Variants in THSD7B observed in about 807,000 individuals in gnomAD.
THSD7B encodes the protein thrombospondin type 1 domain containing 7B.
THSD7B carries 138 observed loss-of-function variants against 213.6 expected under a neutral mutation model. That is an observed-to-expected ratio of 0.65 (90% CI 0.56 to 0.74). The LOEUF (loss-of-function observed/expected upper bound fraction) is 0.74. Ranked by LOEUF, THSD7B falls within the 30% of genes least tolerant of loss-of-function variation. The probability of loss-of-function intolerance (pLI) is 0.00; values close to 1 mark genes in which losing one functional copy is unlikely to be tolerated. For missense variants in THSD7B, 1,931 were observed against 1,991.5 expected, an observed-to-expected ratio of 0.97 and a Z score of 0.58; for synonymous variants, 742 against 687.0, an observed-to-expected ratio of 1.08 and a Z score of -1.25.
At chr2:137,605,941 T>C (rs1020095212) in intron 17 of THSD7B, among the ~76,000 whole-genome samples, 5 of 152,002 alleles carry the variant, frequency 3.3e-5, no homozygotes, top group Admixed American at 6.6e-5. Context: ...GTGCTGGGAT[T>C]ACAGGCACGT....
At chr2:136,779,066 A>T (rs907643796) in intron 1 of THSD7B, among the ~76,000 whole-genome samples, 1 of 152,168 alleles carries the variant, frequency 6.6e-6, no homozygotes, top group Non-Finnish European at 1.5e-5. Flanking sequence ...TAAGTTTATA[A>T]TATATTACAG....
chr2:137,435,598 C>G (rs1404315844), intron 14 of THSD7B, among the ~76,000 whole-genome samples: 1 of 152,134 alleles, frequency 6.6e-6, no homozygotes, highest in Admixed American at 6.5e-5. Flanking sequence ...TTGTACACCT[C>G]AAGTTGAACT....
intron 21 of THSD7B, among the ~76,000 whole-genome samples, chr2:137,653,688 C>T (rs896429658): frequency 2.7e-5 from 4 of 150,698 alleles, no homozygotes; most frequent in Non-Finnish European, 5.9e-5. Flanking sequence ...CTTTTCTCTG[C>T]TTGATCCATT....
chr2:137,354,052 C>T (rs1256471940), intron 12 of THSD7B, among the ~76,000 whole-genome samples: 1 of 152,036 alleles, frequency 6.6e-6, no homozygotes, highest in Non-Finnish European at 1.5e-5. Context: ...ACATGGCTGG[C>T]TCTGCAGACA....
At chr2:137,169,167 G>GA (rs58288399) in intron 6 of THSD7B, among the ~76,000 whole-genome samples, 7,644 of 118,038 alleles carry the variant, frequency 0.065, 211 homozygotes, top group Admixed American at 0.091. Context: ...GTTATCTTAG[G>GA]AAAAAAAAAA....
chr2:137,612,035 A>G (rs899010008), intron 17 of THSD7B, among the ~76,000 whole-genome samples: 2 of 152,232 alleles, frequency 1.3e-5, no homozygotes, highest in Non-Finnish European at 2.9e-5. Context: ...ATGCATATAG[A>G]TAATAAATTA....
chr2:136,941,395 G>A (rs1684825109), intron 2 of THSD7B, among the ~76,000 whole-genome samples: 2 of 152,130 alleles, frequency 1.3e-5, no homozygotes. Context: ...TGAGTCAAAT[G>A]GTATTTCTAG....
chr2:137,234,738 C>T (rs1040563497), intron 9 of THSD7B, among the ~76,000 whole-genome samples: 5 of 152,028 alleles, frequency 3.3e-5, no homozygotes, highest in Admixed American at 1.3e-4. Context: ...GAGGAGTGAT[C>T]GGTTTGCCAA....
intron 14 of THSD7B, among the ~76,000 whole-genome samples, chr2:137,430,750 G>A (rs1573621426): frequency 6.6e-6 from 1 of 152,218 alleles, no homozygotes; most frequent in Non-Finnish European, 1.5e-5. Context: ...AAAATCAAAG[G>A]TAGAGAAACC....
chr2:137,490,794 C>A (rs1688588089), intron 15 of THSD7B, among the ~76,000 whole-genome samples: 2 of 152,112 alleles, frequency 1.3e-5, no homozygotes, highest in Admixed American at 6.5e-5. Flanking sequence ...TGGACATAGT[C>A]TAGAAAGTCC....
chr2:137,289,104 CT>C (rs1235166570), intron 12 of THSD7B, among the ~76,000 whole-genome samples: 67 of 151,766 alleles, frequency 4.4e-4, no homozygotes, highest in Admixed American at 2.4e-3. Flanking sequence ...ATCTATTTTT[CT>C]TTTTCAAACC....
chr2:137,395,729 G>A (rs1686164469), intron 12 of THSD7B, among the ~76,000 whole-genome samples: 1 of 152,040 alleles, frequency 6.6e-6, no homozygotes, highest in East Asian at 1.9e-4. Flanking sequence ...AATAGTTTCA[G>A]AAGGAATGGT....
Position 137,232,903 on chromosome 2 carries a change from A to G in THSD7B, c.1920A>G (p.Gly640=). ...TTTTGTTCTTATTTTTGGCAGGTGGAAAGCCATGTCCCCCTAGTCAGGCTC... is the reference window on the plus strand; with the variant it reads ...TTTTGTTCTTATTTTTGGCAGGTGGGAAGCCATGTCCCCCTAGTCAGGCTC... ...RTILALAGEG[G]KPCPPSQALQ... Residue 640 remains glycine, a synonymous_variant, in exon 9 of 28, where the codon GGA becomes GGG. Transcript: ENST00000409968. The G allele has an allele frequency of 1.9e-6, 3 of 1,613,802 alleles. No individual in the cohort carries two copies. The African/African-American group carries it at 4.0e-5, about 22-fold the overall frequency.
chr2:136,786,506 C>T (rs1330797296), intron 1 of THSD7B, among the ~76,000 whole-genome samples: 1 of 152,084 alleles, frequency 6.6e-6, no homozygotes, highest in Non-Finnish European at 1.5e-5. Flanking sequence ...ATATCACCTC[C>T]TGGATTCGTC....
At chr2:137,592,940 A>G (rs1681892743) in intron 17 of THSD7B, among the ~76,000 whole-genome samples, 1 of 151,928 alleles carries the variant, frequency 6.6e-6, no homozygotes, top group African/African-American at 2.4e-5. Flanking sequence ...ATGTAGTGAA[A>G]TAATACCCTA....
At chr2:137,579,159 G>A (rs1028120147) in intron 17 of THSD7B, among the ~76,000 whole-genome samples, 1 of 152,028 alleles carries the variant, frequency 6.6e-6, no homozygotes, top group Non-Finnish European at 1.5e-5. Context: ...TTTCAAAATG[G>A]TAGCACCATG....
chr2:136,890,579 G>A lies in THSD7B; in HGVS notation c.139+8262G>A, dbSNP rs189079452. On this transcript the variant is annotated intron_variant, in intron 2 of 27. Coordinates refer to ENST00000409968, the MANE Select transcript of THSD7B (RefSeq NM_001316349.2). ...TTTTAAGACGGAGTCTCACTCTGTCGCCCAGGCTGGAGTGCAATGGTGTGA... is the reference window on the plus strand; with the variant it reads ...TTTTAAGACGGAGTCTCACTCTGTCACCCAGGCTGGAGTGCAATGGTGTGA... Among the ~76,000 whole-genome samples, 136 of 128,920 alleles carry A rather than the reference G, an allele frequency of 1.1e-3. 1 individual carries two copies. The highest frequency in any genetic ancestry group is 3.8e-3 in the African/African-American group (126 of 33,584). 84.6% of individuals were successfully genotyped at this position (128,920 alleles called of 152,430 possible).
At chr2:137,655,970 G>A (rs1683228857) in intron 22 of THSD7B, among the ~76,000 whole-genome samples, 1 of 152,130 alleles carries the variant, frequency 6.6e-6, no homozygotes, top group African/African-American at 2.4e-5. Context: ...TCTAGAAACT[G>A]TGATGTTAAT....
At chr2:136,908,510 C>T (rs1232688679) in intron 2 of THSD7B, among the ~76,000 whole-genome samples, 1 of 152,172 alleles carries the variant, frequency 6.6e-6, no homozygotes, top group South Asian at 2.1e-4. Flanking sequence ...GAGTTTCCAC[C>T]TGGGATTTGA....
Sources: allele counts gnomAD v4.1 joint callset (sites outside exome capture counted in the v4.1 genomes callset), GRCh38; gene constraint gnomAD v4.1.1; transcripts MANE v1.5; gene names NCBI Gene and HGNC (gene_info 2026-07-23, HGNC 2026-07-21).